Variants in SCYL3 observed in about 807,000 individuals in gnomAD.
The protein encoded by SCYL3 is SCY1 like pseudokinase 3.
A neutral mutation model predicts 73.8 loss-of-function variants in SCYL3; 35 were observed. The observed-to-expected ratio is 0.47, with a 90% CI of 0.36 to 0.63. The LOEUF (loss-of-function observed/expected upper bound fraction) is 0.63. SCYL3 is among the 20% of genes least tolerant of loss of function. SCYL3 has a pLI of 0.00. For missense variants in SCYL3, 712 were observed against 798.9 expected (o/e 0.89, Z 1.31); for synonymous variants, 277 against 295.2 (o/e 0.94, Z 0.63).
intron 2 of SCYL3, among the ~76,000 whole-genome samples, chr1:169,879,294 A>T (rs1229519830): frequency 6.6e-6 from 1 of 152,234 alleles, no homozygotes; most frequent in African/African-American, 2.4e-5. Context: ...AGGTGCTAAA[A>T]GTCCAGTAAA....
intron 3 of SCYL3, among the ~76,000 whole-genome samples, chr1:169,876,958 TA>T (rs61051062): frequency 0.017 from 1,286 of 76,098 alleles, 1 homozygote; most frequent in African/African-American, 0.035. Flanking sequence ...TTGTCTCAAA[TA>T]AAAAAAAAAA....
Position 169,870,249 on chromosome 1 carries a change from A to G in SCYL3, c.625+6T>C. The G allele has an allele frequency of 6.3e-7, 1 of 1,598,966 alleles. No individual in the cohort carries two copies. The highest frequency in any genetic ancestry group is 8.6e-7 in the Non-Finnish European group (1 of 1,167,186). Reference sequence around the variant, plus strand: ...CTATAGATGCAGTAGTATAACTCCAACTCACCCTGTTCATTTAAGATTGTG... The same window carrying G: ...CTATAGATGCAGTAGTATAACTCCAGCTCACCCTGTTCATTTAAGATTGTG... On this transcript the variant is annotated splice_donor_region_variant and intron_variant, in intron 6 of 12. Transcript: ENST00000367771.
rs937045206 is a variant in SCYL3 at position 169,852,665 on chromosome 1, C to T, written c.*1048G>A. ...ATGACTGTGTAGGGGTTTTGGGGTGCATCCTCCTACCCTTGTGATCCAATG... is the reference window on the plus strand; with the variant it reads ...ATGACTGTGTAGGGGTTTTGGGGTGTATCCTCCTACCCTTGTGATCCAATG... On this transcript the variant is annotated 3_prime_UTR_variant, in exon 13 of 13. Transcript: ENST00000367771. The T allele has an allele frequency of 3.1e-6, 3 of 974,812 alleles. No homozygotes were observed. The highest frequency in any genetic ancestry group is 5.3e-5 in the Admixed American group (2 of 37,822). The allele number at this position is 974,812 out of a possible 1,614,324, so 60.4% of individuals were successfully genotyped here.
chr1:169,889,614 A>G (rs1474137172), intron 1 of SCYL3, among the ~76,000 whole-genome samples: 1 of 152,224 alleles, frequency 6.6e-6, no homozygotes, highest in Non-Finnish European at 1.5e-5. Context: ...AAGCCCACAC[A>G]TACACAGAAT....
rs372699846 is a variant in SCYL3, at chr1:169,862,733, G to A, written c.1020C>T (p.Pro340=). 1.0e-4 allele frequency: 164 copies of A among 1,614,042 alleles called. No homozygotes were observed. In the Admixed American group the frequency reaches 1.1e-3, roughly 11 times the overall value. Residue 340 remains proline, a synonymous_variant, in exon 10 of 13, where the codon CCC becomes CCT. Coordinates refer to ENST00000367771, the MANE Select transcript of SCYL3 (RefSeq NM_020423.7). ...GAACTTCAAACAACTGGAGAAGCAC[G>A]GGGATCACCCGTGACTGGAACAGGG... ...SPALFQSRVI[P]VLLQLFEVHE... is the part of the protein sequence containing the mutation.
In SCYL3 at chr1:169,854,597, A is replaced by G. The variant is rs1248557785; in HGVS notation, c.1680T>C (p.Pro560=). Residue 560 remains proline, a synonymous_variant, in exon 12 of 13, where the codon CCT becomes CCC. Transcript: ENST00000367771. The part of the protein sequence containing the change: ...ALLSLTEESM[P]WKSSLPQKIS... ...TCTTTTGGGGTAAGCTTGATTTCCA[A>G]GGCATAGACTCTTCAGTGAGTGAAA... The G allele has an allele frequency of 6.2e-7, 1 of 1,613,634 alleles. No homozygotes were observed. The highest frequency in any genetic ancestry group is 8.5e-7 in the Non-Finnish European group (1 of 1,179,842).
At chr1:169,864,303 G>A in intron 9 of SCYL3, 66 bp downstream of exon 9, 1 of 1,591,928 alleles carries the variant, frequency 6.3e-7, no homozygotes, top group Non-Finnish European at 8.6e-7. Flanking sequence ...ATCTCATCCT[G>A]CTCAAATATG....
At chr1:169,862,908 T>G (rs1440882545) in intron 9 of SCYL3, 111 bp from the exon 10 acceptor site, 1 of 997,890 alleles carries the variant, frequency 1.0e-6, no homozygotes, top group East Asian at 2.5e-5. Flanking sequence ...CTAAGTACTC[T>G]TCTAAATTCT....
Position 169,853,563 on chromosome 1 carries a change from A to G in SCYL3, c.*150T>C. The stretch of plus-strand genomic sequence containing the variant: ...AGCCAGCACTCACAGTCAGTCTCCT[A>G]CTTCAGTTGGCACAGACTGGATAAT... On this transcript the variant is annotated 3_prime_UTR_variant, in exon 13 of 13. Transcript: ENST00000367771. The G allele has an allele frequency of 1.3e-6, 1 of 762,622 alleles. No individual in the cohort carries two copies. Among genetic ancestry groups the G allele is most frequent in the Non-Finnish European group, 2.2e-6 (1 of 464,332 alleles). 47.2% of individuals were successfully genotyped at this position (762,622 alleles called of 1,614,324 possible).
intron 5 of SCYL3, among the ~76,000 whole-genome samples, chr1:169,873,076 A>T (rs1156378655): frequency 1.3e-5 from 2 of 151,952 alleles, no homozygotes; most frequent in Non-Finnish European, 2.9e-5. Flanking sequence ...CCAGGGGAGG[A>T]ATGATGTGGT....
At chr1:169,872,852 G>A (rs951231570) in intron 5 of SCYL3, among the ~76,000 whole-genome samples, 11 of 152,280 alleles carry the variant, frequency 7.2e-5, no homozygotes, top group Non-Finnish European at 1.6e-4. Context: ...TGGAATGGCC[G>A]TATTTACCCA....
rs770779415 is a variant in SCYL3 at position 169,855,886 on chromosome 1, T to C, written c.1313-922A>G. On this transcript the variant is annotated intron_variant, in intron 11 of 12. Coordinates refer to ENST00000367771, the MANE Select transcript of SCYL3 (RefSeq NM_020423.7). ...CCAGAAAAGAAACATTTAGGGAATATGCTAGAGAAGGGGTTCTCCAAGATT... is the reference window on the plus strand; with the variant it reads ...CCAGAAAAGAAACATTTAGGGAATACGCTAGAGAAGGGGTTCTCCAAGATT... The C allele has an allele frequency of 3.7e-6, 6 of 1,613,952 alleles. No individual in the cohort carries two copies. The African/African-American group carries it at 4.0e-5, about 11-fold the overall frequency.
chr1:169,874,468 A>G (rs12142093), intron 4 of SCYL3, among the ~76,000 whole-genome samples: 10,125 of 152,274 alleles, frequency 0.066, 429 homozygotes, highest in Non-Finnish European at 0.099. Context: ...AAAGGAGATT[A>G]AAGCCAGATC....
chr1:169,879,991 G>A (rs1661133836), intron 2 of SCYL3, among the ~76,000 whole-genome samples: 1 of 152,100 alleles, frequency 6.6e-6, no homozygotes, highest in African/African-American at 2.4e-5. Context: ...AGAGGGGCCA[G>A]GTTTGGGGAC....
intron 1 of SCYL3, among the ~76,000 whole-genome samples, chr1:169,893,270 C>T (rs1393619514): frequency 1.3e-5 from 2 of 152,216 alleles, no homozygotes; most frequent in African/African-American, 4.8e-5. Flanking sequence ...CAGGAGCCAG[C>T]TGGGCCTTGG....
At position 169,851,105 on chromosome 1, in the gene SCYL3, GA is replaced by G. The variant is rs1389856951; in HGVS notation, c.*2607del. ...GCTTTTTTATTCTCTTTGCAGCCAA[GA>G]CCTGTTTTTACAATTAAAACCAAAA... On this transcript the variant is annotated 3_prime_UTR_variant, in exon 13 of 13. Transcript: ENST00000367771. 1 of 97,172 alleles carries G rather than the reference GA, an allele frequency of 1.0e-5. No homozygotes were observed. The highest frequency in any genetic ancestry group is 1.9e-5 in the Non-Finnish European group (1 of 51,836). The allele number at this position is 97,172 out of a possible 1,614,324, so 6.0% of individuals were successfully genotyped here.
Position 169,851,522 on chromosome 1 carries a change from T to C in SCYL3, c.*2191A>G, listed in dbSNP as rs188844635. On this transcript the variant is annotated 3_prime_UTR_variant, in exon 13 of 13. Transcript: ENST00000367771. Reference sequence around the variant, plus strand: ...CTACTTATATTACATCTAAGCTGGATTTTAAGTACATGTGTATACACTGCT... The same window carrying C: ...CTACTTATATTACATCTAAGCTGGACTTTAAGTACATGTGTATACACTGCT... 2 of 279,744 alleles carry C rather than the reference T, an allele frequency of 7.1e-6. No individual in the cohort carries two copies. The highest frequency in any genetic ancestry group is 9.9e-5 in the Admixed American group (2 of 20,254). 17.3% of individuals were successfully genotyped at this position (279,744 alleles called of 1,614,324 possible). A position where few individuals can be genotyped will look rare whatever the true frequency, so the allele number is the denominator to read the frequency against.
At chr1:169,856,190 T>A (rs965344608) in intron 11 of SCYL3, among the ~76,000 whole-genome samples, 7 of 152,150 alleles carry the variant, frequency 4.6e-5, no homozygotes, top group Non-Finnish European at 7.3e-5. Flanking sequence ...TGGTGATGGA[T>A]CAAAGCATTA....
chr1:169,886,143 T>A (rs1311184124), intron 2 of SCYL3, among the ~76,000 whole-genome samples: 1 of 152,080 alleles, frequency 6.6e-6, no homozygotes, highest in African/African-American at 2.4e-5. Context: ...AAACCCCACC[T>A]CTACTAAAAA....
Sources: allele counts gnomAD v4.1 joint callset (sites outside exome capture counted in the v4.1 genomes callset), GRCh38; gene constraint gnomAD v4.1.1; transcripts MANE v1.5; gene names NCBI Gene and HGNC (gene_info 2026-07-23, HGNC 2026-07-21).